FNBP1: variants seen among roughly 807,000 people sequenced by gnomAD.
The protein encoded by FNBP1 is formin binding protein 1.
In FNBP1, 26 loss-of-function variants were observed where a neutral mutation model predicts 90.6. That is an observed-to-expected ratio of 0.29 (90% CI 0.21 to 0.40). The LOEUF (loss-of-function observed/expected upper bound fraction) is 0.40. FNBP1 is among the 10% of genes least tolerant of loss of function. FNBP1 has a pLI of 1.00. For missense variants in FNBP1, 635 were observed against 768.0 expected, an observed-to-expected ratio of 0.83 and a Z score of 2.05; for synonymous variants, 260 against 265.2, an observed-to-expected ratio of 0.98 and a Z score of 0.19.
At chr9:129,928,670 A>G (rs111472765) in intron 7 of FNBP1, among the ~76,000 whole-genome samples, 6,020 of 151,826 alleles carry the variant, frequency 0.04, 140 homozygotes, top group Non-Finnish European at 0.045. Context: ...CAAAAAAAAA[A>G]AAGAAAAAAA....
Position 129,890,534 on chromosome 9 carries a change from C to G in FNBP1, c.*5G>C. 6.3e-7 allele frequency: 1 copy of G among 1,585,366 alleles called. No homozygotes were observed. The highest frequency in any genetic ancestry group is 8.6e-7 in the Non-Finnish European group (1 of 1,166,646). On this transcript the variant is annotated 3_prime_UTR_variant, in exon 17 of 17. Transcript: ENST00000446176. The surrounding 1 kb of genome is among the most constrained non-coding windows in gnomAD (Gnocchi z 5.8). ...GGCTCACCCGAGGCTCGCAGGCACTCCCCTCTAGGAATCTACAACACAAAG... is the reference window on the plus strand; with the variant it reads ...GGCTCACCCGAGGCTCGCAGGCACTGCCCTCTAGGAATCTACAACACAAAG...
chr9:130,007,292 T>C (rs1589226678), intron 1 of FNBP1, among the ~76,000 whole-genome samples: 1 of 129,364 alleles, frequency 7.7e-6, no homozygotes, highest in South Asian at 2.5e-4. Flanking sequence ...ACACATAGAG[T>C]ACAAAAAGTT....
At chr9:129,910,865 GTA>G (rs2039150603) in intron 11 of FNBP1, among the ~76,000 whole-genome samples, 2 of 75,332 alleles carry the variant, frequency 2.7e-5, no homozygotes, top group Non-Finnish European at 8.9e-5. Flanking sequence ...GTGTGTGTGT[GTA>G]TGTGTGTGAG....
rs540509107 is a variant in FNBP1 at position 129,902,970 on chromosome 9, G to A, written c.1327C>T (p.Leu443=). The change falls in exon 13 of 17, where the codon CTA becomes TTA. Residue 443 remains leucine (L), a synonymous_variant. Transcript: ENST00000446176. ...DAITKMKDVY[L]KNPQMGDPAS... Reference sequence around the variant, plus strand: ...GGGTCTCCCATCTGAGGATTCTTTAGGTAGACATCTTTCATTTTTGTTATG... The same window carrying A: ...GGGTCTCCCATCTGAGGATTCTTTAAGTAGACATCTTTCATTTTTGTTATG... 100 of 1,596,874 alleles carry A rather than the reference G, an allele frequency of 6.3e-5. No homozygotes were observed. Among genetic ancestry groups the A allele is most frequent in the Non-Finnish European group, 8.5e-5 (100 of 1,171,154 alleles).
At chr9:129,999,703 T>C (rs964063337) in intron 1 of FNBP1, among the ~76,000 whole-genome samples, 1 of 152,146 alleles carries the variant, frequency 6.6e-6, no homozygotes, top group Admixed American at 6.6e-5. Flanking sequence ...TTTAAAGGTA[T>C]TTATTCATTT....
intron 1 of FNBP1, among the ~76,000 whole-genome samples, chr9:130,003,564 A>G (rs561637970): frequency 4.0e-5 from 6 of 151,754 alleles, no homozygotes; most frequent in Non-Finnish European, 8.8e-5. Flanking sequence ...CCGAGATTTC[A>G]TTACTGCACT....
intron 1 of FNBP1, among the ~76,000 whole-genome samples, chr9:130,025,063 C>T (rs1338073308): frequency 6.6e-6 from 1 of 151,914 alleles, no homozygotes; most frequent in Non-Finnish European, 1.5e-5. Flanking sequence ...ACCTGTAATC[C>T]CAGCTACTCA....
chr9:129,983,134 T>C (rs2131003202), intron 2 of FNBP1, among the ~76,000 whole-genome samples: 1 of 152,348 alleles, frequency 6.6e-6, no homozygotes, highest in African/African-American at 2.4e-5. Context: ...ATGTAAGTTT[T>C]ATATCTAGTT....
intron 1 of FNBP1, among the ~76,000 whole-genome samples, chr9:130,010,568 C>T (rs2056408535): frequency 6.6e-6 from 1 of 152,108 alleles, no homozygotes; most frequent in Admixed American, 6.6e-5. Context: ...CCCTCCTCTT[C>T]TTTACTTGAC....
rs190055987 is a variant in FNBP1, at chr9:129,959,416, C to A, written c.346-863G>T. Among the ~76,000 whole-genome samples, 19 of 151,740 alleles carry A rather than the reference C, an allele frequency of 1.3e-4. No homozygotes were observed. In the East Asian group the frequency reaches 3.7e-3, roughly 29 times the overall value. On this transcript the variant is annotated intron_variant, in intron 4 of 16. Coordinates refer to ENST00000446176, the MANE Select transcript of FNBP1 (RefSeq NM_015033.3). The stretch of plus-strand genomic sequence containing the variant: ...CCAGCCTGGCCAATATGGTGAAACC[C>A]CATCTCTACTAAAAAGACAAAAATC...
At chr9:129,919,630 T>C (rs1310533839) in intron 10 of FNBP1, among the ~76,000 whole-genome samples, 2 of 152,250 alleles carry the variant, frequency 1.3e-5, no homozygotes, top group Non-Finnish European at 2.9e-5. Flanking sequence ...TAACATTTTA[T>C]CCTGTTTAAT....
At chr9:129,896,155 C>T (rs973581100) in intron 15 of FNBP1, among the ~76,000 whole-genome samples, 159 bp from the exon 16 acceptor site, 1 of 152,180 alleles carries the variant, frequency 6.6e-6, no homozygotes, top group Non-Finnish European at 1.5e-5. Context: ...CACCCACTGC[C>T]TCAAAACCAT....
chr9:129,948,555 T>G (rs561365992), intron 6 of FNBP1, among the ~76,000 whole-genome samples: 18 of 151,452 alleles, frequency 1.2e-4, no homozygotes, highest in Non-Finnish European at 2.2e-4. Context: ...TGGTATTTTT[T>G]TTTCAAGACG....
chr9:129,893,612 C>CAAAAAAAAAAAAAAA (rs1216398298), intron 16 of FNBP1, among the ~76,000 whole-genome samples: 395 of 22,316 alleles, frequency 0.018, 171 homozygotes, highest in Non-Finnish European at 0.025. Flanking sequence ...GACTCTGTCT[C>CAAAAAAAAAAAAAAA]AAAAAAAAAA....
Position 129,909,006 on chromosome 9 carries a change from A to T in FNBP1, c.1186-7T>A. 1 of 1,595,978 alleles carries T rather than the reference A, an allele frequency of 6.3e-7. No homozygotes were observed. The highest frequency in any genetic ancestry group is 1.3e-5 in the African/African-American group (1 of 74,696). On this transcript the variant is annotated splice_region_variant and splice_polypyrimidine_tract_variant and intron_variant, in intron 11 of 16. Coordinates refer to ENST00000446176, the MANE Select transcript of FNBP1 (RefSeq NM_015033.3). ...AATCCTCCGGTGTTGCACCCTGCAG[A>T]CACAAATATAAATGAGAAACCAGAA...
At chr9:129,941,529 G>A (rs948677216) in intron 6 of FNBP1, among the ~76,000 whole-genome samples, 2 of 152,260 alleles carry the variant, frequency 1.3e-5, no homozygotes, top group African/African-American at 4.8e-5. Flanking sequence ...GCAGTGGTAT[G>A]ATCACAGCCC....
intron 4 of FNBP1, among the ~76,000 whole-genome samples, chr9:129,974,228 CT>C (rs2049955262): frequency 6.6e-6 from 1 of 152,132 alleles, no homozygotes; most frequent in East Asian, 1.9e-4. Context: ...AAAACCATGC[CT>C]ACAAACACGC....
intron 6 of FNBP1, among the ~76,000 whole-genome samples, chr9:129,939,031 G>C (rs58221750): frequency 2.0e-5 from 3 of 152,114 alleles, no homozygotes; most frequent in Admixed American, 2.0e-4. Context: ...AAGCTGGAGT[G>C]CAGTGGCATG....
At chr9:130,044,851 C>G (rs1034025976), upstream of FNBP1, 1 of 152,140 alleles carries the variant, frequency 6.6e-6, no homozygotes, top group Non-Finnish European at 1.5e-5. Flanking sequence ...GCAAGAGAAT[C>G]GCTTGAACCC....
Sources: allele counts gnomAD v4.1 joint callset (sites outside exome capture counted in the v4.1 genomes callset), GRCh38; gene constraint gnomAD v4.1.1; non-coding constraint Gnocchi (gnomAD v3.1); transcripts MANE v1.5; gene names NCBI Gene and HGNC (gene_info 2026-07-23, HGNC 2026-07-21).